The following ARL6 variants were observed in gnomAD, a reference collection of about 807,000 sequenced individuals.
The protein encoded by ARL6 is ARF like GTPase 6.
Under a neutral mutation model 27.1 loss-of-function variants are expected in ARL6, and 18 were observed. The observed-to-expected ratio is 0.66, with a 90% CI of 0.46 to 0.98. The LOEUF (loss-of-function observed/expected upper bound fraction) is 0.98. ARL6 is among the 50% of genes least tolerant of loss of function. The probability of loss-of-function intolerance (pLI) is 0.00; values close to 1 mark genes in which losing one functional copy is unlikely to be tolerated. For missense variants in ARL6, 187 were observed against 214.9 expected, an observed-to-expected ratio of 0.87 and a Z score of 0.81; for synonymous variants, 65 against 72.3, an observed-to-expected ratio of 0.90 and a Z score of 0.51.
At position 97,800,330 on chromosome 3, in the gene ARL6, TA is replaced by T. The variant is rs1428446755; in HGVS notation, c.*2282del. On this transcript the variant is annotated 3_prime_UTR_variant, in exon 8 of 8. Coordinates refer to ENST00000463745, the MANE Select transcript of ARL6 (RefSeq NM_001278293.3). ...AAGCTGAGATTATTGCATTTGTATT[TA>T]GCATATTATACAATTAAAATGTATT... 6.6e-6 allele frequency: 1 copy of T among 152,170 alleles called. No homozygotes were observed. Among genetic ancestry groups the T allele is most frequent in the Non-Finnish European group, 1.5e-5 (1 of 68,008 alleles). The allele number at this position is 152,170 out of a possible 1,614,324, so 9.4% of individuals were successfully genotyped here.
intron 2 of ARL6, 45 bp from the exon 3 acceptor site, chr3:97,780,114 T>C (rs764250046): frequency 1.3e-6 from 2 of 1,493,460 alleles, no homozygotes; most frequent in Admixed American, 3.3e-5. Flanking sequence ...GGAAAACTCA[T>C]CTCTGGTAAT....
At chr3:97,765,237 T>TGTGTGTGTGTAA (rs2036322969) in intron 1 of ARL6, among the ~76,000 whole-genome samples, 1 of 151,726 alleles carries the variant, frequency 6.6e-6, no homozygotes, top group African/African-American at 2.4e-5. Flanking sequence ...TGTGTGTGTG[T>TGTGTGTGTGTAA]GTGTGTGTGT....
intron 2 of ARL6, among the ~76,000 whole-genome samples, chr3:97,778,011 G>A (rs2036993611): frequency 1.3e-5 from 2 of 152,140 alleles, no homozygotes; most frequent in Non-Finnish European, 2.9e-5. Flanking sequence ...AGTGAAGACA[G>A]GGTTGCTATT....
Position 97,768,151 on chromosome 3 carries a change from A to G in ARL6, c.44A>G (p.Lys15Arg). 1 of 1,613,220 alleles carries G rather than the reference A, an allele frequency of 6.2e-7. No homozygotes were observed. The highest frequency in any genetic ancestry group is 8.5e-7 in the Non-Finnish European group (1 of 1,179,244). The change falls in exon 2 of 8, where the codon AAG becomes AGG. Residue 15 changes from lysine (K) to arginine (R), a missense_variant. By Grantham distance (26) the Lys-to-Arg change is conservative. Transcript: ENST00000463745. ...CTTTCAGTCTTGCTTGGCCTGAAGA[A>G]GAAGGAGGTTCATGTTTTGTGCCTT... ...DRLSVLLGLK[K>R]KEVHVLCLGL...
chr3:97,788,120 G>A lies in ARL6; in HGVS notation c.479+1G>A, dbSNP rs1324418374. 2.5e-6 allele frequency: 4 copies of A among 1,612,300 alleles called. No individual in the cohort carries two copies. The highest frequency in any genetic ancestry group is 3.4e-6 in the Non-Finnish European group (4 of 1,179,350). ...TCAAAGATAAACCCTGGCATATTTG[G>A]TAAAGTTTTATATTTACTTTTCACT... On this transcript the variant is annotated splice_donor_variant, in intron 6 of 7. Coordinates refer to ENST00000463745, the MANE Select transcript of ARL6 (RefSeq NM_001278293.3). LOFTEE classifies it high-confidence loss of function.
chr3:97,783,819 C>T (rs748132349), intron 4 of ARL6, among the ~76,000 whole-genome samples: 1 of 151,472 alleles, frequency 6.6e-6, no homozygotes, highest in Non-Finnish European at 1.5e-5. Flanking sequence ...AGATATTGAA[C>T]CTCATTGGCA....
At chr3:97,781,572 A>G (rs866823982) in intron 4 of ARL6, among the ~76,000 whole-genome samples, 13 of 152,248 alleles carry the variant, frequency 8.5e-5, no homozygotes, top group Middle Eastern at 6.8e-3. Context: ...GCCATTTTAT[A>G]TAAGAGACTT....
chr3:97,780,565 A>T, intron 3 of ARL6, 50 bp from the exon 4 acceptor site: 1 of 1,459,438 alleles, frequency 6.9e-7, no homozygotes, highest in Non-Finnish European at 9.6e-7. Context: ...ATTTTAAGTA[A>T]AAGTTATGCT....
In ARL6 at chr3:97,768,097, TG is replaced by T. The variant is rs1466504121; in HGVS notation, c.-10del. 6.2e-7 allele frequency: 1 copy of T among 1,612,674 alleles called. No homozygotes were observed. Among genetic ancestry groups the T allele is most frequent in the East Asian group, 2.2e-5 (1 of 44,800 alleles). ...TAATTGCAGCTGGTTTGTAAATATT[TG>T]AATCACATTATGGGATTGCTAGACA... On this transcript the variant is annotated 5_prime_UTR_variant, in exon 2 of 8. Transcript: ENST00000463745.
chr3:97,784,935 T>C lies in ARL6; in HGVS notation c.255-20T>C. 1 of 1,580,748 alleles carries C rather than the reference T, an allele frequency of 6.3e-7. No individual in the cohort carries two copies. Among genetic ancestry groups the C allele is most frequent in the Non-Finnish European group, 8.7e-7 (1 of 1,150,654 alleles). On this transcript the variant is annotated intron_variant, in intron 4 of 7. Coordinates refer to ENST00000463745, the MANE Select transcript of ARL6 (RefSeq NM_001278293.3). ...TTTATAAGTAAAGCTTTAATTTTTC[T>C]TTTTCTTTACATTACACAGAGAAGG...
chr3:97,767,977 A>G, intron 1 of ARL6, 104 bp from the exon 2 acceptor site: 1 of 997,846 alleles, frequency 1.0e-6, no homozygotes. Flanking sequence ...TTTTCACACT[A>G]TTATTATGTG....
At position 97,800,658 on chromosome 3, in the gene ARL6, A is replaced by T. The variant is rs2038216889; in HGVS notation, c.*2609A>T. 6.6e-6 allele frequency: 1 copy of T among 152,108 alleles called. No individual in the cohort carries two copies. The highest frequency in any genetic ancestry group is 6.6e-5 in the Admixed American group (1 of 15,266). The allele number at this position is 152,108 out of a possible 1,614,324, so 9.4% of individuals were successfully genotyped here. ...TTTATATCATGTTGTGATTTCCATA[A>T]ATATGTGCAGTTACTCTTGATAATA... On this transcript the variant is annotated 3_prime_UTR_variant, in exon 8 of 8. Transcript: ENST00000463745.
In ARL6 at chr3:97,798,032, C is replaced by T; in HGVS notation, c.544C>T (p.Gln182Ter). The change falls in exon 8 of 8, where the codon CAG (glutamine) becomes TAG (stop). Residue 182 changes from glutamine (Q) to a stop codon, truncating the protein, a stop_gained. Transcript: ENST00000463745. LOFTEE classifies it high-confidence loss of function. Reference protein sequence around the residue: ...EGVDWLQDQIQTVKT With the variant: ...EGVDWLQDQI ...TTGTTTTTTGTTATCAGATCAGATC[C>T]AGACTGTGAAGACATGAAAAGATAA... 1 of 1,613,076 alleles carries T rather than the reference C, an allele frequency of 6.2e-7. No homozygotes were observed. The highest frequency in any genetic ancestry group is 1.3e-5 in the African/African-American group (1 of 74,978).
intron 7 of ARL6, among the ~76,000 whole-genome samples, chr3:97,793,188 TATC>T (rs1417454409): frequency 6.6e-6 from 1 of 152,204 alleles, no homozygotes; most frequent in East Asian, 1.9e-4. Context: ...TTTATGTAGT[TATC>T]ATAACACCAT....
upstream of ARL6, chr3:97,764,608 A>C (rs1246307144): frequency 6.6e-6 from 1 of 152,186 alleles, no homozygotes; most frequent in Non-Finnish European, 1.5e-5. Flanking sequence ...ATTTTTCTTC[A>C]ATGTATAGTT....
At chr3:97,782,306 G>T (rs1454031471) in intron 4 of ARL6, among the ~76,000 whole-genome samples, 1 of 151,718 alleles carries the variant, frequency 6.6e-6, no homozygotes, top group Non-Finnish European at 1.5e-5. Context: ...AATATATATA[G>T]AGAGAAAATA....
At chr3:97,766,932 A>G (rs2036407735) in intron 1 of ARL6, among the ~76,000 whole-genome samples, 1 of 152,058 alleles carries the variant, frequency 6.6e-6, no homozygotes, top group Non-Finnish European at 1.5e-5. Flanking sequence ...CCACAAAGTA[A>G]TGGTTTGGGG....
intron 1 of ARL6, chr3:97,765,922 G>A (rs998816027): frequency 1.3e-5 from 2 of 152,186 alleles, no homozygotes; most frequent in East Asian, 3.8e-4. Flanking sequence ...TACTTGAAAC[G>A]TAGAAGTTTA....
In ARL6 at chr3:97,791,703, G is replaced by A. The variant is rs1026986292; in HGVS notation, c.480-68G>A. 44 of 1,456,638 alleles carry A rather than the reference G, an allele frequency of 3.0e-5. No individual in the cohort carries two copies. The South Asian group carries it at 4.8e-4, about 16-fold the overall frequency. 90.2% of individuals were successfully genotyped at this position (1,456,638 alleles called of 1,614,324 possible). A position where few individuals can be genotyped will look rare whatever the true frequency, so the allele number is the denominator to read the frequency against. On this transcript the variant is annotated intron_variant, in intron 6 of 7. Transcript: ENST00000463745. ...TGTTAATTCTCCATATGGCAAAATTGTAATCCTTTATTCTTATAGTTTTGT... is the reference window on the plus strand; with the variant it reads ...TGTTAATTCTCCATATGGCAAAATTATAATCCTTTATTCTTATAGTTTTGT...
Sources: gnomAD v4.1 joint callset for allele counts (sites outside exome capture counted in the v4.1 genomes callset) on GRCh38, gnomAD v4.1.1 for gene constraint, MANE v1.5 for transcripts, NCBI Gene and HGNC (gene_info 2026-07-23, HGNC 2026-07-21) for gene names.